Variants in EPHB1 observed in about 807,000 individuals in gnomAD.
EPHB1 encodes the protein EPH receptor B1.
In EPHB1, 30 loss-of-function variants were observed where a neutral mutation model predicts 94.4. The ratio of observed to expected loss-of-function variants is 0.32; its 90% CI spans 0.24 to 0.43. EPHB1 has a LOEUF of 0.43. Ranked by LOEUF, EPHB1 falls within the 20% of genes least tolerant of loss-of-function variation. The pLI is 1.00. For synonymous variants in EPHB1, 522 were observed against 489.1 expected, an observed-to-expected ratio of 1.07 and a Z score of -0.89; for missense variants, 1,055 against 1,308.3, an observed-to-expected ratio of 0.81 and a Z score of 2.99.
intron 1 of EPHB1, among the ~76,000 whole-genome samples, chr3:134,807,430 C>T (rs1301304031): frequency 1.3e-5 from 2 of 151,874 alleles, no homozygotes; most frequent in Non-Finnish European, 2.9e-5. Flanking sequence ...AGCAGTTTCA[C>T]ATCAGCTGCT....
chr3:134,888,832 C>G (rs999541886), intron 1 of EPHB1, among the ~76,000 whole-genome samples: 1 of 152,032 alleles, frequency 6.6e-6, no homozygotes, highest in Non-Finnish European at 1.5e-5. Flanking sequence ...GGGCACTGTT[C>G]TGGGAATGGA....
chr3:134,885,834 CTT>C (rs1435946702), intron 1 of EPHB1, among the ~76,000 whole-genome samples: 2 of 152,104 alleles, frequency 1.3e-5, no homozygotes, highest in East Asian at 3.9e-4. Flanking sequence ...TCATGACAGA[CTT>C]TTGGAGAATG....
At chr3:135,106,687 C>CTTTG in intron 4 of EPHB1, 84 bp downstream of exon 4, 1 of 1,535,382 alleles carries the variant, frequency 6.5e-7, no homozygotes, top group Non-Finnish European at 8.9e-7. Flanking sequence ...GAAGAGAAGA[C>CTTTG]ATCATCCTTT....
intron 1 of EPHB1, among the ~76,000 whole-genome samples, chr3:134,905,316 T>G (rs1324879892): frequency 1.3e-5 from 2 of 152,214 alleles, no homozygotes; most frequent in African/African-American, 4.8e-5. Flanking sequence ...TCTGTGAGTT[T>G]CCACATGCTG....
intron 1 of EPHB1, among the ~76,000 whole-genome samples, chr3:134,915,475 A>G (rs2038545642): frequency 6.6e-6 from 1 of 152,112 alleles, no homozygotes; most frequent in African/African-American, 2.4e-5. Flanking sequence ...ATCCTCCCCG[A>G]TAGGTTCAGA....
chr3:135,154,072 C>G (rs993956999), intron 5 of EPHB1, 80 bp from the exon 6 acceptor site: 2 of 1,570,268 alleles, frequency 1.3e-6, no homozygotes, highest in Admixed American at 1.7e-5. Flanking sequence ...CCATTTTTCT[C>G]CCTACGTACC....
chr3:135,018,472 C>T (rs1366361452), intron 3 of EPHB1, among the ~76,000 whole-genome samples: 1 of 152,130 alleles, frequency 6.6e-6, no homozygotes, highest in East Asian at 1.9e-4. Flanking sequence ...TCAGATGTCA[C>T]CTTCCTCCCT....
At chr3:134,936,734 C>T (rs1373450379) in intron 2 of EPHB1, among the ~76,000 whole-genome samples, 1 of 152,154 alleles carries the variant, frequency 6.6e-6, no homozygotes, top group Non-Finnish European at 1.5e-5. Flanking sequence ...GAAGGACAGC[C>T]TACATGACAA....
chr3:135,017,452 C>T (rs538976397), intron 3 of EPHB1, among the ~76,000 whole-genome samples: 17 of 152,216 alleles, frequency 1.1e-4, no homozygotes, highest in African/African-American at 4.1e-4. Context: ...CACTGGCAGC[C>T]GGAGCCCTCC....
chr3:135,062,728 G>T (rs1367031755), intron 3 of EPHB1, among the ~76,000 whole-genome samples: 1 of 152,066 alleles, frequency 6.6e-6, no homozygotes, highest in Non-Finnish European at 1.5e-5. Context: ...CATTGCATTT[G>T]CTTTTGGGTT....
At chr3:135,225,497 A>G (rs892671283) in intron 12 of EPHB1, among the ~76,000 whole-genome samples, 1 of 152,172 alleles carries the variant, frequency 6.6e-6, no homozygotes, top group African/African-American at 2.4e-5. Context: ...GAGAAAATGG[A>G]AATTGTTTGC....
rs1488036988 is a variant in EPHB1, at chr3:134,806,678, G to A, written c.58+10989G>A. On this transcript the variant is annotated intron_variant, in intron 1 of 15. Transcript: ENST00000398015. ...AAACCTAGAAAGGGACTTAGGGGAA[G>A]GGTGGGAAAGGGGTGGAGATATGAT... Among the ~76,000 whole-genome samples the A allele has an allele frequency of 3.3e-5, 5 of 152,172 alleles. No homozygotes were observed. In the East Asian group the frequency reaches 7.7e-4, roughly 23 times the overall value.
At chr3:134,882,708 C>CT (rs2037760027) in intron 1 of EPHB1, among the ~76,000 whole-genome samples, 1 of 148,442 alleles carries the variant, frequency 6.7e-6, no homozygotes, top group African/African-American at 2.5e-5. Flanking sequence ...TCTTTCCTTC[C>CT]TTCCTTCTTT....
intron 3 of EPHB1, among the ~76,000 whole-genome samples, chr3:135,047,278 G>A (rs1482653191): frequency 6.6e-6 from 1 of 152,212 alleles, no homozygotes; most frequent in East Asian, 1.9e-4. Context: ...AACCTTTGCA[G>A]ATGGCAGCTG....
intron 3 of EPHB1, chr3:135,067,946 A>T (rs1338925969): frequency 6.6e-6 from 1 of 152,248 alleles, no homozygotes; most frequent in East Asian, 1.9e-4. Context: ...CCCATAAGCT[A>T]GACCTTCAGT....
At chr3:134,804,174 G>A (rs1175210906) in intron 1 of EPHB1, among the ~76,000 whole-genome samples, 1 of 133,926 alleles carries the variant, frequency 7.5e-6, no homozygotes, top group Non-Finnish European at 1.5e-5. Flanking sequence ...GGAAGAAAAA[G>A]AGGTTTAATT....
chr3:135,252,101 A>C (rs1472892759), intron 15 of EPHB1, among the ~76,000 whole-genome samples: 1 of 152,036 alleles, frequency 6.6e-6, no homozygotes, highest in African/African-American at 2.4e-5. Flanking sequence ...GCACATGCAA[A>C]GTACTTGATC....
chr3:134,884,299 T>G (rs2037818890), intron 1 of EPHB1, among the ~76,000 whole-genome samples: 1 of 152,230 alleles, frequency 6.6e-6, no homozygotes, highest in African/African-American at 2.4e-5. Context: ...TGCTTCTTGT[T>G]GGGTAATGTA....
At chr3:134,874,756 A>T (rs1478111948) in intron 1 of EPHB1, among the ~76,000 whole-genome samples, 2 of 152,184 alleles carry the variant, frequency 1.3e-5, no homozygotes, top group African/African-American at 4.8e-5. Flanking sequence ...ATGGGGAGAC[A>T]TGTGCCTCTT....
Sources: allele counts gnomAD v4.1 joint callset (sites outside exome capture counted in the v4.1 genomes callset), GRCh38; gene constraint gnomAD v4.1.1; transcripts MANE v1.5; gene names NCBI Gene and HGNC (gene_info 2026-07-23, HGNC 2026-07-21).